TJP1: variants seen among roughly 807,000 people sequenced by gnomAD.
TJP1 encodes tight junction protein 1, also known as tight junction protein ZO-1.
Under a neutral mutation model 194.2 loss-of-function variants are expected in TJP1, and 43 were observed. The observed-to-expected ratio is 0.22, with a 90% CI of 0.17 to 0.29. TJP1 has a LOEUF of 0.29. Ranked by LOEUF, TJP1 falls within the 10% of genes least tolerant of loss-of-function variation. TJP1 has a pLI of 1.00. For synonymous variants in TJP1, 801 were observed against 779.0 expected, an observed-to-expected ratio of 1.03 and a Z score of -0.47; for missense variants, 1,971 against 2,185.7, an observed-to-expected ratio of 0.90 and a Z score of 1.96.
At chr15:29,910,741 A>T (rs1453070789) in intron 2 of TJP1, among the ~76,000 whole-genome samples, 1 of 152,226 alleles carries the variant, frequency 6.6e-6, no homozygotes, top group Non-Finnish European at 1.5e-5. Flanking sequence ...AACTCTAATG[A>T]TATGAGAGTA....
At chr15:29,932,622 G>T (rs1209840038) in intron 2 of TJP1, among the ~76,000 whole-genome samples, 1 of 151,984 alleles carries the variant, frequency 6.6e-6, no homozygotes, top group East Asian at 1.9e-4. Flanking sequence ...CTGATAAAAT[G>T]ACTACATTAA....
intron 5 of TJP1, among the ~76,000 whole-genome samples, chr15:29,763,005 T>C (rs1389422905): frequency 6.6e-6 from 1 of 152,188 alleles, no homozygotes; most frequent in South Asian, 2.1e-4. Context: ...ACTTCTATTT[T>C]TCCCAGCTCC....
At chr15:29,943,401 G>A (rs971634846) in intron 2 of TJP1, among the ~76,000 whole-genome samples, 5 of 152,122 alleles carry the variant, frequency 3.3e-5, no homozygotes, top group Admixed American at 2.0e-4. Flanking sequence ...AGGCCGAGGC[G>A]GGTGGATCAT....
At chr15:29,955,266 C>T (rs2055893786) in intron 2 of TJP1, among the ~76,000 whole-genome samples, 1 of 152,086 alleles carries the variant, frequency 6.6e-6, no homozygotes. Flanking sequence ...ATGAACATAT[C>T]AGGTCTACCA....
intron 2 of TJP1, among the ~76,000 whole-genome samples, chr15:29,901,884 TCATCAATTATGATTCAGGTATTTTCATA>T (rs1208897605): frequency 6.6e-6 from 1 of 151,996 alleles, no homozygotes; most frequent in Admixed American, 6.6e-5. Context: ...GTCTGCATCA[TCATCAATTATGATTCAGGTATTTTCATA>T]CTGTTCTCAT....
chr15:29,761,457 A>C, intron 7 of TJP1, 144 bp downstream of exon 7: 1 of 1,285,988 alleles, frequency 7.8e-7, no homozygotes, highest in Non-Finnish European at 1.1e-6. Flanking sequence ...AGTTGTCTAC[A>C]GGAAAAAATG....
Position 29,761,304 on chromosome 15 carries a change from C to T in TJP1, c.863-18G>A, listed in dbSNP as rs747972358. 21 of 1,613,342 alleles carry T rather than the reference C, an allele frequency of 1.3e-5. No individual in the cohort carries two copies. Among genetic ancestry groups the T allele is most frequent in the Admixed American group, 1.7e-5 (1 of 59,870 alleles). The stretch of plus-strand genomic sequence containing the variant: ...TGAAATGTCTGTTAATAAAAGGGTG[C>T]TACTTATTTTCCCACAAAAATAATT... On this transcript the variant is annotated intron_variant, in intron 7 of 27. Coordinates refer to ENST00000614355, the MANE Select transcript of TJP1 (RefSeq NM_001330239.4).
rs189815650 is a variant in TJP1, at chr15:29,846,721, C to T, written c.307-46019G>A. Among the ~76,000 whole-genome samples the T allele has an allele frequency of 5.3e-5, 8 of 152,020 alleles. No homozygotes were observed. In the East Asian group the frequency reaches 1.6e-3, roughly 29 times the overall value. On this transcript the variant is annotated intron_variant, in intron 2 of 28. Coordinates refer to the TJP1 transcript ENST00000356107. ...CGGGCGGATCACGAGGTCAGGAGATCGAGACCATCCTGGCTGACATGGTGC... is the reference window on the plus strand; with the variant it reads ...CGGGCGGATCACGAGGTCAGGAGATTGAGACCATCCTGGCTGACATGGTGC...
chr15:29,709,101 T>TTAAA (rs774435756), intron 24 of TJP1, 65 bp from the exon 25 acceptor site: 68 of 1,474,260 alleles, frequency 4.6e-5, no homozygotes, highest in Non-Finnish European at 6.1e-5. Context: ...CTGTCCCAGC[T>TTAAA]TAACTTGTCC....
rs1364125371 is a variant in TJP1 at position 29,741,220 on chromosome 15, T to G, written c.1256+111A>C. The G allele has an allele frequency of 8.4e-6, 6 of 715,598 alleles. No homozygotes were observed. The African/African-American group carries it at 1.1e-4, about 13-fold the overall frequency. 44.3% of individuals were successfully genotyped at this position (715,598 alleles called of 1,614,324 possible). A position where few individuals can be genotyped will look rare whatever the true frequency, so the allele number is the denominator to read the frequency against. On this transcript the variant is annotated intron_variant, in intron 10 of 27. Transcript: ENST00000614355. ...ATATAAAAATAATCATAGTATTAGG[T>G]GGTATGTACTATTTTAAAAAATATA...
chr15:29,891,761 T>C (rs912025250), intron 2 of TJP1, among the ~76,000 whole-genome samples: 12 of 152,290 alleles, frequency 7.9e-5, no homozygotes, highest in South Asian at 6.2e-4. Flanking sequence ...TCTACAAATG[T>C]TGGGTGTGTT....
In TJP1 at chr15:29,773,300, G is replaced by A; in HGVS notation, c.142C>T (p.Gln48Ter). The A allele has an allele frequency of 6.2e-7, 1 of 1,613,984 alleles. No individual in the cohort carries two copies. Among genetic ancestry groups the A allele is most frequent in the Non-Finnish European group, 8.5e-7 (1 of 1,179,942 alleles). ...ATCACTATTGACGTTTCCCCACTCT[G>A]AAAATGAGGATTATCTCGTCCACCA... ...ISGGRDNPHF[Q>*]SGETSIVISD... is the part of the protein sequence containing the mutation. Residue 48 changes from glutamine (Q) to a stop codon, truncating the protein, a stop_gained, in exon 3 of 28, where the codon CAG becomes TAG. Transcript: ENST00000614355. LOFTEE classifies it high-confidence loss of function.
At chr15:29,880,875 G>A (rs1219141454) in intron 2 of TJP1, among the ~76,000 whole-genome samples, 1 of 152,074 alleles carries the variant, frequency 6.6e-6, no homozygotes, top group Non-Finnish European at 1.5e-5. Context: ...CTATATCTTG[G>A]CTATTATGAA....
At position 29,719,020 on chromosome 15, in the gene TJP1, G is replaced by C; in HGVS notation, c.3122C>G (p.Pro1041Arg). The C allele has an allele frequency of 6.2e-7, 1 of 1,614,148 alleles. No individual in the cohort carries two copies. The highest frequency in any genetic ancestry group is 8.5e-7 in the Non-Finnish European group (1 of 1,180,040). ...TTGTTTCTCTACGTATGGGAGTTGGGGTTCATAGGTCAGATTAGGCTCTTT... is the reference window on the plus strand; with the variant it reads ...TTGTTTCTCTACGTATGGGAGTTGGCGTTCATAGGTCAGATTAGGCTCTTT... ...PDKEPNLTYE[P>R]QLPYVEKQAS... The change falls in exon 21 of 28, where the codon CCC becomes CGC. Residue 1041 changes from proline (P) to arginine (R), a missense_variant. Physicochemically the swap from Pro to Arg is moderately radical, Grantham distance 103 (BLOSUM62 -2). This residue lies in a region of TJP1 where 1,108 missense variants were observed against 1,128.5 expected (regional missense o/e 0.98). Transcript: ENST00000614355.
Position 29,722,506 on chromosome 15 carries a change from T to TCAGAGGATGTATG in TJP1, c.2413-1811_2413-1799dup, listed in dbSNP as rs374554938. Among the ~76,000 whole-genome samples the TCAGAGGATGTATG allele has an allele frequency of 5.6e-3, 854 of 152,228 alleles. 12 individuals are homozygous for TCAGAGGATGTATG. Among genetic ancestry groups the TCAGAGGATGTATG allele is most frequent in the African/African-American group, 0.019 (806 of 41,548 alleles). On this transcript the variant is annotated intron_variant, in intron 18 of 27. Coordinates refer to ENST00000614355, the MANE Select transcript of TJP1 (RefSeq NM_001330239.4). ...AGGCTTGGGAGCCTCTGCCTAGATT[T>TCAGAGGATGTATG]CAGAGGATGTATGGAAATGCCTGGA... is the stretch of plus-strand genomic sequence containing the variant.
intron 1 of TJP1, among the ~76,000 whole-genome samples, chr15:29,965,956 C>A (rs558986886): frequency 7.1e-4 from 108 of 152,214 alleles, no homozygotes; most frequent in Non-Finnish European, 1.2e-3. Flanking sequence ...TTTTCCAGGC[C>A]GCCTCTTAGT....
intron 2 of TJP1, among the ~76,000 whole-genome samples, chr15:29,939,329 G>T (rs1321918351): frequency 6.6e-6 from 1 of 152,102 alleles, no homozygotes; most frequent in African/African-American, 2.4e-5. Flanking sequence ...ACGCATCTTG[G>T]CACTTGGAGC....
At chr15:29,780,419 C>T (rs966194431) in intron 2 of TJP1, among the ~76,000 whole-genome samples, 5 of 152,108 alleles carry the variant, frequency 3.3e-5, no homozygotes, top group South Asian at 2.1e-4. Context: ...AATGTGATGC[C>T]GCCACAGGAG....
intron 2 of TJP1, among the ~76,000 whole-genome samples, chr15:29,786,417 ATTTAC>A (rs1555416889): frequency 1.3e-5 from 2 of 152,228 alleles, no homozygotes; most frequent in Non-Finnish European, 2.9e-5. Context: ...CCTTTATTTT[ATTTAC>A]TTTATTGCAT....
Sources: allele counts gnomAD v4.1 joint callset (sites outside exome capture counted in the v4.1 genomes callset), GRCh38; gene constraint gnomAD v4.1.1; regional missense constraint gnomAD v4.1.1; transcripts MANE v1.5; gene names NCBI Gene and HGNC (gene_info 2026-07-23, HGNC 2026-07-21).